SBF2: variants seen among roughly 807,000 people sequenced by gnomAD.
The protein encoded by SBF2 is myotubularin-related protein 13.
In SBF2, 112 loss-of-function variants were observed where a neutral mutation model predicts 225.2. That is an observed-to-expected ratio of 0.50 (90% CI 0.43 to 0.58). The LOEUF is 0.58. Ranked by LOEUF, SBF2 falls within the 20% of genes least tolerant of loss-of-function variation. The pLI, the probability that SBF2 is intolerant of heterozygous loss-of-function variation, is 0.00. For missense variants in SBF2, 1,996 were observed against 2,206.2 expected, an observed-to-expected ratio of 0.90 and a Z score of 1.91; for synonymous variants, 763 against 773.3, an observed-to-expected ratio of 0.99 and a Z score of 0.22.
intron 2 of SBF2, among the ~76,000 whole-genome samples, chr11:10,070,517 T>C (rs945083323): frequency 1.3e-5 from 2 of 152,214 alleles, no homozygotes; most frequent in Non-Finnish European, 2.9e-5. Flanking sequence ...CATTGGTGTA[T>C]ATATGTGGTT....
At chr11:9,883,984 G>T (rs1423946905) in intron 17 of SBF2, among the ~76,000 whole-genome samples, 1 of 152,170 alleles carries the variant, frequency 6.6e-6, no homozygotes, top group East Asian at 1.9e-4. Flanking sequence ...CATTTACACA[G>T]AAGTGAATGA....
intron 1 of SBF2, among the ~76,000 whole-genome samples, chr11:10,227,343 A>G (rs1346915265): frequency 6.6e-6 from 1 of 152,056 alleles, no homozygotes; most frequent in African/African-American, 2.4e-5. Flanking sequence ...CCATTTGTCT[A>G]TTTTGGCTTT....
chr11:10,252,225 A>G (rs1031132682), intron 1 of SBF2, among the ~76,000 whole-genome samples: 2 of 152,244 alleles, frequency 1.3e-5, no homozygotes, highest in Non-Finnish European at 2.9e-5. Flanking sequence ...TACATTTACA[A>G]TGGTGATAGT....
At chr11:10,214,478 C>G (rs991205570) in intron 1 of SBF2, among the ~76,000 whole-genome samples, 1 of 152,116 alleles carries the variant, frequency 6.6e-6, no homozygotes, top group Non-Finnish European at 1.5e-5. Flanking sequence ...AAAAAATTAG[C>G]CAAGCGTGGT....
chr11:9,865,859 A>C (rs917119741), intron 17 of SBF2, among the ~76,000 whole-genome samples: 19 of 152,102 alleles, frequency 1.2e-4, no homozygotes, highest in Non-Finnish European at 2.5e-4. Context: ...CTACTGCACA[A>C]TTTAACTATT....
intron 6 of SBF2, among the ~76,000 whole-genome samples, chr11:10,017,133 G>C (rs1948683724): frequency 6.6e-6 from 1 of 152,126 alleles, no homozygotes; most frequent in Non-Finnish European, 1.5e-5. Context: ...TTTCTTGAAA[G>C]GTTAGAGTTC....
chr11:9,827,128 G>A (rs1590168298), intron 28 of SBF2, among the ~76,000 whole-genome samples: 1 of 152,252 alleles, frequency 6.6e-6, no homozygotes, highest in East Asian at 1.9e-4. Flanking sequence ...GTGAGCCACC[G>A]TGCCCGGCCT....
Position 10,000,930 on chromosome 11 carries a change from G to C in SBF2, c.845C>G (p.Thr282Ser). The change falls in exon 8 of 40, where the codon ACT (threonine) becomes AGT (serine). Residue 282 changes from threonine (T) to serine (S), a missense_variant. Coordinates refer to ENST00000256190, the MANE Select transcript of SBF2 (RefSeq NM_030962.4). Reference protein sequence around the residue: ...FIIGVHSVFKTDVHELLDVII... With the variant: ...FIIGVHSVFKSDVHELLDVII... ...AATACTTACAAGTTCATGGACATCAGTTTTAAAGACAGAATGTACTCCAAT... is the reference window on the plus strand; with the variant it reads ...AATACTTACAAGTTCATGGACATCACTTTTAAAGACAGAATGTACTCCAAT... The C allele has an allele frequency of 6.3e-7, 1 of 1,581,560 alleles. No individual in the cohort carries two copies.
chr11:10,006,257 A>G (rs1948185671), intron 6 of SBF2, among the ~76,000 whole-genome samples: 1 of 152,168 alleles, frequency 6.6e-6, no homozygotes, highest in Non-Finnish European at 1.5e-5. Flanking sequence ...TTTGTGCAGC[A>G]GCAAAAACAT....
chr11:10,185,137 C>T (rs1164964984), intron 2 of SBF2, among the ~76,000 whole-genome samples: 4 of 151,800 alleles, frequency 2.6e-5, no homozygotes, highest in Admixed American at 6.6e-5. Context: ...TGCGTGCACA[C>T]GTGTATCACA....
In SBF2 at chr11:9,778,885, G is replaced by A. The variant is rs1300486035; in HGVS notation, c.*1533C>T. Reference sequence around the variant, plus strand: ...GTAATCCAGTTACAAAAGAAGCACTGTGTATAGTCTCAAATAGCTGAAGGT... The same window carrying A: ...GTAATCCAGTTACAAAAGAAGCACTATGTATAGTCTCAAATAGCTGAAGGT... On this transcript the variant is annotated 3_prime_UTR_variant, in exon 40 of 40. Transcript: ENST00000256190. The A allele has an allele frequency of 2.0e-5, 3 of 152,608 alleles. No individual in the cohort carries two copies. Among genetic ancestry groups the A allele is most frequent in the Non-Finnish European group, 4.4e-5 (3 of 68,042 alleles). 9.5% of individuals were successfully genotyped at this position (152,608 alleles called of 1,614,324 possible).
At chr11:9,785,083 T>C (rs1336619201) in intron 37 of SBF2, 42 bp downstream of exon 37, 1 of 1,574,908 alleles carries the variant, frequency 6.3e-7, no homozygotes, top group East Asian at 2.2e-5. Context: ...TCAGGTGCTG[T>C]GGGGAAGTCT....
chr11:10,044,293 G>A (rs935585135), intron 2 of SBF2, among the ~76,000 whole-genome samples: 4 of 150,362 alleles, frequency 2.7e-5, no homozygotes, highest in African/African-American at 7.3e-5. Context: ...AATGAAAGAC[G>A]GGATATCAGT....
intron 1 of SBF2, among the ~76,000 whole-genome samples, chr11:10,238,190 C>CT (rs1959154733): frequency 6.6e-6 from 1 of 152,108 alleles, no homozygotes; most frequent in African/African-American, 2.4e-5. Context: ...AGGAAGACTG[C>CT]TTGAGTCCAG....
intron 16 of SBF2, among the ~76,000 whole-genome samples, chr11:9,911,767 T>A (rs1477084153): frequency 1.3e-5 from 2 of 152,212 alleles, no homozygotes; most frequent in Non-Finnish European, 1.5e-5. Context: ...TATTTTTGCT[T>A]TACCATTTCT....
At chr11:9,948,854 T>C (rs1240252057) in intron 16 of SBF2, among the ~76,000 whole-genome samples, 2 of 152,214 alleles carry the variant, frequency 1.3e-5, no homozygotes, top group African/African-American at 4.8e-5. Context: ...CACTTCTATA[T>C]CTGTGAAAAA....
chr11:9,858,202 T>C, intron 18 of SBF2, 24 bp downstream of exon 18: 1 of 1,613,444 alleles, frequency 6.2e-7, no homozygotes, highest in Admixed American at 1.7e-5. Context: ...CCCACACAAT[T>C]AGAGTTCTTT....
chr11:9,885,251 CAAAA>C (rs71453937), intron 17 of SBF2, among the ~76,000 whole-genome samples: 4 of 38,280 alleles, frequency 1.0e-4, no homozygotes, highest in Non-Finnish European at 1.7e-4. Flanking sequence ...ACTTTTCCTC[CAAAA>C]AAAAAAAAAA....
intron 6 of SBF2, among the ~76,000 whole-genome samples, chr11:10,011,281 T>C (rs945978569): frequency 5.3e-5 from 8 of 152,150 alleles, no homozygotes; most frequent in Non-Finnish European, 8.8e-5. Context: ...GGCTGGAGTA[T>C]AGTGGTGCGA....
Sources: allele counts gnomAD v4.1 joint callset (sites outside exome capture counted in the v4.1 genomes callset), GRCh38; gene constraint gnomAD v4.1.1; transcripts MANE v1.5; gene names NCBI Gene and HGNC (gene_info 2026-07-23, HGNC 2026-07-21).